SCARB1: variants seen among roughly 807,000 people sequenced by gnomAD.
The protein encoded by SCARB1 is scavenger receptor class B member 1, also known as CD36 and LIMPII analogous 1.
SCARB1 carries 30 observed loss-of-function variants against 57.2 expected under a neutral mutation model. The observed-to-expected ratio is 0.52, with a 90% CI of 0.39 to 0.71. The LOEUF (loss-of-function observed/expected upper bound fraction) is 0.71. Ranked by LOEUF, SCARB1 falls within the 30% of genes least tolerant of loss-of-function variation. SCARB1 has a pLI of 0.00. For synonymous variants in SCARB1, 249 were observed against 268.3 expected, an observed-to-expected ratio of 0.93 and a Z score of 0.70; for missense variants, 543 against 671.2, an observed-to-expected ratio of 0.81 and a Z score of 2.11.
chr12:124,806,069 C>A (rs927827677), intron 7 of SCARB1, among the ~76,000 whole-genome samples: 1 of 152,098 alleles, frequency 6.6e-6, no homozygotes, highest in Non-Finnish European at 1.5e-5. Flanking sequence ...TTTAAACAGC[C>A]GCAAGAGGCC....
chr12:124,848,478 C>T (rs555412082), intron 1 of SCARB1, among the ~76,000 whole-genome samples: 22 of 148,530 alleles, frequency 1.5e-4, no homozygotes, highest in Non-Finnish European at 2.7e-4. Context: ...TGTGGATCCT[C>T]GTGGCCTTCT....
At chr12:124,818,974 A>G (rs753704088) in intron 1 of SCARB1, among the ~76,000 whole-genome samples, 3 of 152,126 alleles carry the variant, frequency 2.0e-5, no homozygotes, top group Non-Finnish European at 2.9e-5. Flanking sequence ...TAATTTTTTA[A>G]AAAGTAGCTG....
rs769751157 is a variant in SCARB1, at chr12:124,787,445, C to T, written c.1215G>A (p.Lys405=). ...KSVAGIGQTG[K]IEPVVLPLLW... ...GCAGCGGCAGGACCACAGGCTCAAT[C>T]TTCCCAGTTTGTCTGGAAATAAGCA... The change falls in exon 10 of 13, where the codon AAG becomes AAA. Residue 405 remains lysine (K), a synonymous_variant. Transcript: ENST00000261693. 5.5e-5 allele frequency: 89 copies of T among 1,613,624 alleles called. No homozygotes were observed. Among genetic ancestry groups the T allele is most frequent in the Non-Finnish European group, 7.2e-5 (85 of 1,179,886 alleles).
At chr12:124,825,126 G>A (rs1594310802) in intron 1 of SCARB1, among the ~76,000 whole-genome samples, 1 of 150,796 alleles carries the variant, frequency 6.6e-6, no homozygotes, top group African/African-American at 2.4e-5. Context: ...TCGGGTGGCT[G>A]AGGCAGGAGA....
intron 11 of SCARB1, chr12:124,785,831 A>G: frequency 2.0e-6 from 1 of 496,726 alleles, no homozygotes; most frequent in Non-Finnish European, 3.5e-6. Flanking sequence ...GAAAATTTAA[A>G]CTGAAAACCT....
At chr12:124,794,055 T>G (rs1302382985) in intron 9 of SCARB1, among the ~76,000 whole-genome samples, 1 of 152,128 alleles carries the variant, frequency 6.6e-6, no homozygotes, top group African/African-American at 2.4e-5. Context: ...AAAGACCACA[T>G]AGTGTATGAT....
chr12:124,793,669 G>A (rs1949817549), intron 9 of SCARB1, among the ~76,000 whole-genome samples: 1 of 146,320 alleles, frequency 6.8e-6, no homozygotes, highest in East Asian at 2.0e-4. Context: ...CTCCAGCCTG[G>A]GCGACAGAGC....
intron 6 of SCARB1, 91 bp from the exon 7 acceptor site, chr12:124,808,018 C>T: frequency 2.3e-6 from 3 of 1,317,284 alleles, no homozygotes. Flanking sequence ...AGCCACTTCT[C>T]CCCACGGGCG....
intron 9 of SCARB1, among the ~76,000 whole-genome samples, chr12:124,792,005 A>G (rs886763407): frequency 3.3e-5 from 5 of 151,884 alleles, no homozygotes; most frequent in Non-Finnish European, 1.5e-5. Flanking sequence ...GAGGTCTCTC[A>G]GGCCCCTTGT....
chr12:124,855,174 A>G (rs756362684), intron 1 of SCARB1, among the ~76,000 whole-genome samples: 97 of 152,184 alleles, frequency 6.4e-4, no homozygotes, highest in Non-Finnish European at 1.3e-3. Context: ...AAGGAACTTC[A>G]CCCAAAATGC....
At chr12:124,827,216 G>A (rs1174729982) in intron 1 of SCARB1, among the ~76,000 whole-genome samples, 3 of 152,142 alleles carry the variant, frequency 2.0e-5, no homozygotes, top group African/African-American at 7.2e-5. Context: ...CGAGCTCCCC[G>A]AAAAAGAAAT....
At chr12:124,852,843 C>A (rs1036826262) in intron 1 of SCARB1, among the ~76,000 whole-genome samples, 1 of 152,236 alleles carries the variant, frequency 6.6e-6, no homozygotes, top group Admixed American at 6.5e-5. Flanking sequence ...GAGTTCGAGA[C>A]CAGCCTGGCT....
At position 124,789,719 on chromosome 12, in the gene SCARB1, T is replaced by A. The variant is rs1174894915; in HGVS notation, c.1203-2262A>T. On this transcript the variant is annotated intron_variant, in intron 9 of 12. Coordinates refer to ENST00000261693, the MANE Select transcript of SCARB1 (RefSeq NM_005505.5). The surrounding 1 kb of genome is among the most constrained non-coding windows in gnomAD (Gnocchi z 4.4). ...ACCCTAAAAAAAGAAAAATTAATTTTTAAAAAGAGGGGCTGGGGCGTGGTG... is the reference window on the plus strand; with the variant it reads ...ACCCTAAAAAAAGAAAAATTAATTTATAAAAAGAGGGGCTGGGGCGTGGTG... 6.6e-6 allele frequency among the ~76,000 whole-genome samples: 1 copy of A among 152,128 alleles called. No homozygotes were observed. The highest frequency in any genetic ancestry group is 1.5e-5 in the Non-Finnish European group (1 of 68,032).
Position 124,817,938 on chromosome 12 carries a change from C to T in SCARB1, c.127-231G>A, listed in dbSNP as rs937855903. ...GTCATAATGCATCTTAAAATATGTC[C>T]TAACAGCAACAGGTGACACCAGTCA... On this transcript the variant is annotated intron_variant, in intron 1 of 12. Transcript: ENST00000261693. The surrounding 1 kb of genome is among the most constrained non-coding windows in gnomAD (Gnocchi z 4.8). Among the ~76,000 whole-genome samples, 5 of 152,202 alleles carry T rather than the reference C, an allele frequency of 3.3e-5. No individual in the cohort carries two copies. The highest frequency in any genetic ancestry group is 1.2e-4 in the African/African-American group (5 of 41,452).
intron 12 of SCARB1, among the ~76,000 whole-genome samples, chr12:124,781,293 G>A (rs1384896170): frequency 1.3e-5 from 2 of 152,192 alleles, no homozygotes; most frequent in Admixed American, 1.3e-4. Flanking sequence ...CCAAAGAGTG[G>A]GGCTGCTGCC....
At chr12:124,795,797 C>T (rs1167973940) in intron 8 of SCARB1, among the ~76,000 whole-genome samples, 1 of 152,242 alleles carries the variant, frequency 6.6e-6, no homozygotes, top group Non-Finnish European at 1.5e-5. Context: ...AAAATCTCCA[C>T]TTCTAACAAT....
intron 10 of SCARB1, among the ~76,000 whole-genome samples, chr12:124,786,879 C>A (rs1000534197): frequency 2.0e-5 from 3 of 152,242 alleles, no homozygotes; most frequent in Admixed American, 1.3e-4. Flanking sequence ...CATCAACCCA[C>A]TTCAGATTCG....
Position 124,810,660 on chromosome 12 carries a change from C to T in SCARB1, c.727-371G>A, listed in dbSNP as rs1950492020. 1.3e-5 allele frequency among the ~76,000 whole-genome samples: 2 copies of T among 152,210 alleles called. No homozygotes were observed. Among genetic ancestry groups the T allele is most frequent in the South Asian group, 4.1e-4 (2 of 4,834 alleles). ...ACAGGCACCTCCTGAAAACAATCGG[C>T]ACACAGGCAAACTACTTAAAATCAT... On this transcript the variant is annotated intron_variant, in intron 5 of 12. Transcript: ENST00000261693. The surrounding 1 kb of genome is among the most constrained non-coding windows in gnomAD (Gnocchi z 4.0).
chr12:124,842,908 A>G (rs887592195), intron 1 of SCARB1, among the ~76,000 whole-genome samples: 4 of 152,234 alleles, frequency 2.6e-5, no homozygotes, highest in African/African-American at 9.6e-5. Flanking sequence ...CAAGAGGCAG[A>G]AAAGCATGGG....
Sources: gnomAD v4.1 joint callset for allele counts (sites outside exome capture counted in the v4.1 genomes callset) on GRCh38, gnomAD v4.1.1 for gene constraint, Gnocchi (gnomAD v3.1) non-coding constraint, MANE v1.5 for transcripts, NCBI Gene and HGNC (gene_info 2026-07-23, HGNC 2026-07-21) for gene names.